The following MGRN1 variants were observed in gnomAD, a reference collection of about 807,000 sequenced individuals.
MGRN1 encodes E3 ubiquitin-protein ligase MGRN1.
In MGRN1, 29 loss-of-function variants were observed where a neutral mutation model predicts 69.2. The observed-to-expected ratio is 0.42, with a 90% CI of 0.31 to 0.57. The LOEUF is 0.57. Among genes scored for constraint, MGRN1 ranks in the 20% least tolerant of loss-of-function variants. The pLI, the probability that MGRN1 is intolerant of heterozygous loss-of-function variation, is 0.15. For missense variants in MGRN1, 998 were observed against 796.2 expected, an observed-to-expected ratio of 1.25 and a Z score of -3.05; for synonymous variants, 470 against 344.2, an observed-to-expected ratio of 1.37 and a Z score of -4.04.
In MGRN1 at chr16:4,686,108, G is replaced by A. The variant is rs1330492144; in HGVS notation, c.1618+2176G>A. On this transcript the variant is annotated intron_variant, in intron 16 of 16. Transcript: ENST00000262370. ...GGCTGCGCTCTGCCTCCCAGCTGTG[G>A]TTCTCCTTGTGGTTCTCTGTGGTTG... 4 of 955,890 alleles carry A rather than the reference G, an allele frequency of 4.2e-6. No individual in the cohort carries two copies. In the African/African-American group the frequency reaches 6.6e-5, roughly 16 times the overall value. 59.2% of individuals were successfully genotyped at this position (955,890 alleles called of 1,614,324 possible).
At chr16:4,686,772 C>A in intron 16 of MGRN1, 1 of 993,236 alleles carries the variant, frequency 1.0e-6, no homozygotes, top group Non-Finnish European at 1.2e-6. Context: ...ACCATGAGTT[C>A]GCATCGGTCC....
Position 4,647,611 on chromosome 16 carries a change from C to T in MGRN1, c.89-2754C>T, listed in dbSNP as rs374878700. Among the ~76,000 whole-genome samples the T allele has an allele frequency of 1.2e-4, 19 of 152,334 alleles. No individual in the cohort carries two copies. In the East Asian group the frequency reaches 3.3e-3, roughly 26 times the overall value. ...TGTGTTGCGCACATCTCAGTGCGTG[C>T]GGTGACCCCTCAGAAAATGATCTTG... On this transcript the variant is annotated intron_variant, in intron 1 of 16. Coordinates refer to ENST00000262370, the MANE Select transcript of MGRN1 (RefSeq NM_015246.4).
In MGRN1 at chr16:4,653,814, GTGAT is replaced by G. The variant is rs1330529667; in HGVS notation, c.443+991_443+994del. On this transcript the variant is annotated intron_variant, in intron 4 of 16. Transcript: ENST00000262370. ...GTTGCCCAGGCTGGAGTGCAATGGTGTGATCTTGGCTCACTGCAACCTCCGCCTC... is the reference window on the plus strand; with the variant it reads ...GTTGCCCAGGCTGGAGTGCAATGGTGCTTGGCTCACTGCAACCTCCGCCTC... 8.9e-5 allele frequency among the ~76,000 whole-genome samples: 13 copies of G among 146,008 alleles called. 1 individual carries two copies. The highest frequency in any genetic ancestry group is 3.3e-4 in the African/African-American group (13 of 39,152).
rs200652705 is a variant in MGRN1 at position 4,652,658 on chromosome 16, C to A, written c.297-20C>A. On this transcript the variant is annotated intron_variant, in intron 3 of 16. Coordinates refer to ENST00000262370, the MANE Select transcript of MGRN1 (RefSeq NM_015246.4). ...ATGGGGCCGCTGACCCGCTGCCTTT[C>A]TCTCCACCGCCTGGGGTAGGTACAA... 120 of 1,594,742 alleles carry A rather than the reference C, an allele frequency of 7.5e-5. No homozygotes were observed. In the African/African-American group the frequency reaches 8.6e-4, roughly 11 times the overall value.
chr16:4,645,568 T>C (rs2078256397), intron 1 of MGRN1, among the ~76,000 whole-genome samples: 1 of 151,936 alleles, frequency 6.6e-6, no homozygotes, highest in Admixed American at 6.6e-5. Flanking sequence ...AGAATAAGGC[T>C]GGAAAGGGGA....
intron 1 of MGRN1, among the ~76,000 whole-genome samples, chr16:4,638,472 AAAAT>A (rs947254844): frequency 2.7e-4 from 41 of 151,652 alleles, no homozygotes; most frequent in Admixed American, 3.9e-4. Context: ...CTCAAAAAAA[AAAAT>A]AAATAAATAT....
intron 2 of MGRN1, 73 bp from the exon 3 acceptor site, chr16:4,651,890 T>C (rs902514222): frequency 5.5e-5 from 75 of 1,360,920 alleles, no homozygotes; most frequent in Non-Finnish European, 7.4e-5. Flanking sequence ...CTGTGGCTGC[T>C]GCACCCTGAC....
intron 1 of MGRN1, among the ~76,000 whole-genome samples, chr16:4,646,011 A>T (rs2078266567): frequency 6.6e-6 from 1 of 152,168 alleles, no homozygotes; most frequent in Non-Finnish European, 1.5e-5. Context: ...GAAAGACTCG[A>T]CGTCTCTTTC....
Position 4,664,695 on chromosome 16 carries a change from AAC to A in MGRN1, c.562-13_562-12del, listed in dbSNP as rs775251466. On this transcript the variant is annotated splice_polypyrimidine_tract_variant and intron_variant, in intron 5 of 16. Coordinates refer to ENST00000262370, the MANE Select transcript of MGRN1 (RefSeq NM_015246.4). ...TGTGTGGGTCCTGACCATTCTTGGC[AAC>A]TCTCTCCTCAGCTGAACTTTGACCT... 2 of 1,614,118 alleles carry A rather than the reference AAC, an allele frequency of 1.2e-6. No homozygotes were observed. Among genetic ancestry groups the A allele is most frequent in the Non-Finnish European group, 1.7e-6 (2 of 1,180,012 alleles).
chr16:4,682,137 G>A (rs1006455006), intron 13 of MGRN1, among the ~76,000 whole-genome samples: 8 of 152,206 alleles, frequency 5.3e-5, no homozygotes, highest in East Asian at 1.9e-4. Context: ...GGCTGGCCAC[G>A]TAGGCCCACT....
At chr16:4,637,502 T>G (rs896332713) in intron 1 of MGRN1, among the ~76,000 whole-genome samples, 2 of 152,206 alleles carry the variant, frequency 1.3e-5, no homozygotes, top group Non-Finnish European at 2.9e-5. Flanking sequence ...CTAAGTGCTT[T>G]TTATTATGGT....
intron 1 of MGRN1, among the ~76,000 whole-genome samples, chr16:4,634,050 TG>T (rs1172144886): frequency 6.6e-6 from 1 of 152,162 alleles, no homozygotes; most frequent in Non-Finnish European, 1.5e-5. Context: ...CAGCTGCCAT[TG>T]GGGGCAACCC....
intron 4 of MGRN1, 105 bp downstream of exon 4, chr16:4,652,929 C>G: frequency 1.5e-6 from 2 of 1,372,500 alleles, no homozygotes; most frequent in Non-Finnish European, 9.6e-7. Flanking sequence ...AAACCGTGCT[C>G]TTTGACCATA....
chr16:4,636,207 G>A (rs1306497829), intron 1 of MGRN1, among the ~76,000 whole-genome samples: 1 of 151,940 alleles, frequency 6.6e-6, no homozygotes, highest in Non-Finnish European at 1.5e-5. Context: ...GGCCCCCAGA[G>A]GCCCCCTATT....
intron 5 of MGRN1, chr16:4,659,187 ATAAAAG>A (rs1002074570): frequency 6.6e-6 from 1 of 152,142 alleles, no homozygotes; most frequent in African/African-American, 2.4e-5. Flanking sequence ...TAAAAATAAA[ATAAAAG>A]TAAAATAAAC....
intron 1 of MGRN1, among the ~76,000 whole-genome samples, chr16:4,638,067 T>C (rs78019475): frequency 0.049 from 7,530 of 152,298 alleles, 624 homozygotes; most frequent in African/African-American, 0.17. Flanking sequence ...CGAAAGGGAC[T>C]TCTAGCCAGT....
chr16:4,627,681 C>T (rs1441833759), intron 1 of MGRN1, among the ~76,000 whole-genome samples: 7 of 151,674 alleles, frequency 4.6e-5, no homozygotes, highest in African/African-American at 7.3e-5. Flanking sequence ...CCCAGCTACG[C>T]GGGAGGCTGA....
chr16:4,632,057 C>G (rs1188576271), intron 1 of MGRN1, among the ~76,000 whole-genome samples: 1 of 136,336 alleles, frequency 7.3e-6, no homozygotes, highest in Non-Finnish European at 1.5e-5. Flanking sequence ...TCTTGTCACC[C>G]AGGCTGGAGG....
intron 5 of MGRN1, among the ~76,000 whole-genome samples, chr16:4,661,897 T>G (rs1199874982): frequency 6.6e-6 from 1 of 152,232 alleles, no homozygotes; most frequent in Non-Finnish European, 1.5e-5. Context: ...CCATTCATTC[T>G]GGTCTGAATG....
Sources: allele counts gnomAD v4.1 joint callset (sites outside exome capture counted in the v4.1 genomes callset), GRCh38; gene constraint gnomAD v4.1.1; transcripts MANE v1.5; gene names NCBI Gene and HGNC (gene_info 2026-07-23, HGNC 2026-07-21).